CCNH: variants seen among roughly 807,000 people sequenced by gnomAD.
CCNH encodes cyclin H.
CCNH carries 31 observed loss-of-function variants against 41.9 expected under a neutral mutation model. That is an observed-to-expected ratio of 0.74 (90% CI 0.56 to 1.00). The LOEUF (loss-of-function observed/expected upper bound fraction) is 1.00, where lower values mean the gene tolerates loss of function less well. CCNH is among the 50% of genes least tolerant of loss of function. CCNH has a pLI of 0.00. For synonymous variants in CCNH, 138 were observed against 136.1 expected, an observed-to-expected ratio of 1.01 and a Z score of -0.10; for missense variants, 362 against 388.4, an observed-to-expected ratio of 0.93 and a Z score of 0.57.
intron 6 of CCNH, among the ~76,000 whole-genome samples, chr5:87,401,350 A>G (rs1021139880): frequency 6.6e-6 from 1 of 152,246 alleles, no homozygotes; most frequent in African/African-American, 2.4e-5. Context: ...TACAAAATAG[A>G]AGTTCCAAAT....
intron 9 of CCNH, among the ~76,000 whole-genome samples, chr5:87,324,562 AAT>A (rs1757075356): frequency 6.6e-6 from 1 of 152,176 alleles, no homozygotes; most frequent in Non-Finnish European, 1.5e-5. Context: ...GGATTCTGTA[AAT>A]ATGTTACCTG....
At chr5:87,400,242 G>A (rs3093823) in intron 6 of CCNH, among the ~76,000 whole-genome samples, 4,851 of 152,226 alleles carry the variant, frequency 0.032, 161 homozygotes, top group African/African-American at 0.074. Context: ...AAACAAAGCA[G>A]TATTTTTAAC....
At position 87,333,117 on chromosome 5, in the gene CCNH, C is replaced by T. The variant is rs1232735675; in HGVS notation, c.*91-14220G>A. ...AACAACAAAAAAGCCTTTCTAGGCA[C>T]TGGGTATTTATAGTCCAAGTAAAAA... On this transcript the variant is annotated intron_variant and NMD_transcript_variant, in intron 9 of 9. Transcript: ENST00000645953. 3.4e-6 allele frequency: 4 copies of T among 1,185,534 alleles called. No individual in the cohort carries two copies. The East Asian group carries it at 8.0e-5, about 24-fold the overall frequency. 73.4% of individuals were successfully genotyped at this position (1,185,534 alleles called of 1,614,324 possible).
rs745660568 is a variant in CCNH at position 87,331,507 on chromosome 5, C to CT, written c.*91-12611dup. The stretch of plus-strand genomic sequence containing the variant: ...ATGTTGTCAACCATTTTAGGTAAGT[C>CT]TTTATTCCTATTATGAAGCCAAATG... On this transcript the variant is annotated intron_variant and NMD_transcript_variant, in intron 9 of 9. Coordinates refer to the CCNH transcript ENST00000645953. 1.2e-6 allele frequency: 2 copies of CT among 1,613,284 alleles called. No homozygotes were observed. The highest frequency in any genetic ancestry group is 1.7e-6 in the Non-Finnish European group (2 of 1,179,468).
chr5:87,397,647 A>G (rs887242805), intron 7 of CCNH, among the ~76,000 whole-genome samples: 5 of 152,176 alleles, frequency 3.3e-5, no homozygotes, highest in Non-Finnish European at 7.4e-5. Flanking sequence ...TCAAGTACTC[A>G]TAGATATTCA....
chr5:87,404,008 AC>A (rs1763610792), intron 5 of CCNH, among the ~76,000 whole-genome samples: 1 of 152,228 alleles, frequency 6.6e-6, no homozygotes, highest in Non-Finnish European at 1.5e-5. Context: ...ACATTTATAT[AC>A]AGTTGGTGAG....
In CCNH at chr5:87,331,026, T is replaced by C. The variant is rs544670217; in HGVS notation, c.*91-12129A>G. The C allele has an allele frequency of 2.4e-5, 32 of 1,323,368 alleles. No homozygotes were observed. The East Asian group carries it at 7.7e-4, about 32-fold the overall frequency. 82.0% of individuals were successfully genotyped at this position (1,323,368 alleles called of 1,614,324 possible). ...TCCATTTGTCTATCTTTTATTTTTC[T>C]AAGTAAAGATCTGGTTGCAGTAGTG... On this transcript the variant is annotated intron_variant and NMD_transcript_variant, in intron 9 of 9. Coordinates refer to the CCNH transcript ENST00000645953.
At chr5:87,318,091 G>A (rs978426458), downstream of CCNH, among the ~76,000 whole-genome samples, 5 of 152,022 alleles carry the variant, frequency 3.3e-5, no homozygotes, top group African/African-American at 1.2e-4. Context: ...TCATTGCTGG[G>A]CTAAAATGTT....
chr5:87,375,396 G>A (rs549898768), downstream of CCNH, among the ~76,000 whole-genome samples: 2 of 152,060 alleles, frequency 1.3e-5, no homozygotes, highest in African/African-American at 4.8e-5. Context: ...GAGTATCTGG[G>A]ACTACAGGCG....
At chr5:87,323,411 G>C (rs895268311) in intron 9 of CCNH, among the ~76,000 whole-genome samples, 1 of 152,168 alleles carries the variant, frequency 6.6e-6, no homozygotes, top group African/African-American at 2.4e-5. Flanking sequence ...GAACTTTTGA[G>C]GGAGAGAGTG....
At chr5:87,357,117 C>CT (rs1759708705) in intron 9 of CCNH, among the ~76,000 whole-genome samples, 1 of 152,140 alleles carries the variant, frequency 6.6e-6, no homozygotes, top group Admixed American at 6.5e-5. Flanking sequence ...TCCTCTCTGC[C>CT]TATCTAAATA....
At chr5:87,324,788 G>T (rs1757101710) in intron 9 of CCNH, among the ~76,000 whole-genome samples, 2 of 151,932 alleles carry the variant, frequency 1.3e-5, no homozygotes, top group African/African-American at 4.8e-5. Flanking sequence ...GGGTACTACA[G>T]CTGTTTTGCT....
intron 9 of CCNH, among the ~76,000 whole-genome samples, chr5:87,335,277 CTTAGTG>C (rs1174331237): frequency 6.6e-6 from 1 of 152,076 alleles, no homozygotes; most frequent in East Asian, 1.9e-4. Context: ...AGGAAGAAAA[CTTAGTG>C]TTTGTTGCCA....
intron 9 of CCNH, among the ~76,000 whole-genome samples, chr5:87,345,326 C>G (rs1459784113): frequency 6.6e-6 from 1 of 152,184 alleles, no homozygotes; most frequent in Non-Finnish European, 1.5e-5. Context: ...TCTTGTTCAT[C>G]TGTAAACCCT....
chr5:87,340,569 G>C (rs750808766), intron 9 of CCNH, among the ~76,000 whole-genome samples: 4 of 152,068 alleles, frequency 2.6e-5, no homozygotes, highest in Non-Finnish European at 5.9e-5. Context: ...AGTGGAATGA[G>C]TAACACTATT....
chr5:87,354,899 C>T (rs1252248281), intron 9 of CCNH, among the ~76,000 whole-genome samples: 1 of 152,070 alleles, frequency 6.6e-6, no homozygotes, highest in African/African-American at 2.4e-5. Flanking sequence ...AAGATTAAAC[C>T]AGGGATAACA....
At chr5:87,367,974 T>TAAA (rs56965674) in intron 9 of CCNH, among the ~76,000 whole-genome samples, 8 of 150,422 alleles carry the variant, frequency 5.3e-5, no homozygotes, top group African/African-American at 2.0e-4. Flanking sequence ...AACTATAAAT[T>TAAA]AAAAAAAAAA....
At chr5:87,391,916 A>G (rs1762555492), downstream of CCNH, 1 of 227,680 alleles carries the variant, frequency 4.4e-6, no homozygotes, top group Non-Finnish European at 8.7e-6. Flanking sequence ...GATATCTTGC[A>G]TAATTGATTA....
chr5:87,314,061 C>T (rs1249135917), downstream of CCNH, among the ~76,000 whole-genome samples: 2 of 151,946 alleles, frequency 1.3e-5, no homozygotes, highest in African/African-American at 2.4e-5. Flanking sequence ...CCCAGCTATT[C>T]GGGAGGCTGA....
Sources: gnomAD v4.1 joint callset for allele counts (sites outside exome capture counted in the v4.1 genomes callset) on GRCh38, gnomAD v4.1.1 for gene constraint, MANE v1.5 for transcripts, NCBI Gene and HGNC (gene_info 2026-07-23, HGNC 2026-07-21) for gene names.